ELF4: variants seen among roughly 807,000 people sequenced by gnomAD.
ELF4 encodes the protein ETS-related transcription factor Elf-4.
ELF4 carries 10 observed loss-of-function variants against 31.7 expected under a neutral mutation model. The ratio of observed to expected loss-of-function variants is 0.32; its 90% CI spans 0.19 to 0.54. The LOEUF is 0.54. Among genes scored for constraint, ELF4 ranks in the 20% least tolerant of loss-of-function variants. ELF4 has a pLI of 0.95. For missense variants in ELF4, 418 were observed against 522.0 expected, an observed-to-expected ratio of 0.80 and a Z score of 1.94; for synonymous variants, 208 against 226.7, an observed-to-expected ratio of 0.92 and a Z score of 0.74.
rs774019246 is a variant in ELF4 at position 130,080,618 on chromosome X, A to G, written c.75+638T>C. 1.4e-4 allele frequency among the ~76,000 whole-genome samples: 16 copies of G among 110,512 alleles called. No individual in the cohort carries two copies. In the South Asian group the frequency reaches 4.3e-3, roughly 29 times the overall value. Reference sequence around the variant, plus strand: ...GATGAGTCTGCCAGGACACCGTTCAATGGGTACATACATCTAAGTGCACAG... The same window carrying G: ...GATGAGTCTGCCAGGACACCGTTCAGTGGGTACATACATCTAAGTGCACAG... On this transcript the variant is annotated intron_variant, in intron 2 of 8. Coordinates refer to ENST00000308167, the MANE Select transcript of ELF4 (RefSeq NM_001421.4).
At position 130,067,178 on chromosome X, in the gene ELF4, G is replaced by A. The variant is rs370055472; in HGVS notation, c.1535C>T (p.Pro512Leu). 7.8e-4 allele frequency: 937 copies of A among 1,205,486 alleles called. 3 individuals are homozygous for A. In the South Asian group the frequency reaches 0.016, roughly 20 times the overall value. ...GACAGTCCCAGGGGGCTGAGAGCTG[G>A]GCCCTGCTGGTCCAGCCCCTGTGAC... ...PTVTGAGPAG[P>L]SSQPPGTVIA... The change falls in exon 9 of 9, where the codon CCC becomes CTC. Residue 512 changes from proline to leucine, a missense_variant. Transcript: ENST00000308167.
chrX:130,064,203 C>T lies in ELF4; in HGVS notation c.*2518G>A. The stretch of plus-strand genomic sequence containing the variant: ...CTGTAATCCCAGCACTTTGGGAGGC[C>T]AAGGTGGGTGGATCACCTGAGGCCA... On this transcript the variant is annotated 3_prime_UTR_variant, in exon 9 of 9. Coordinates refer to ENST00000308167, the MANE Select transcript of ELF4 (RefSeq NM_001421.4). Among the ~76,000 whole-genome samples the T allele has an allele frequency of 3.6e-5, 4 of 110,565 alleles. No homozygotes were observed. The East Asian group carries it at 1.1e-3, about 31-fold the overall frequency.
rs1932888415 is a variant in ELF4 at position 130,081,465 on chromosome X, G to T, written c.-135C>A. 6 of 664,031 alleles carry T rather than the reference G, an allele frequency of 9.0e-6. No homozygotes were observed. In the East Asian group the frequency reaches 1.7e-4, roughly 19 times the overall value. The allele number at this position is 664,031 out of a possible 1,213,427, so 54.7% of individuals were successfully genotyped here. A position where few individuals can be genotyped will look rare whatever the true frequency, so the allele number is the denominator to read the frequency against. On this transcript the variant is annotated 5_prime_UTR_variant, in exon 2 of 9. Coordinates refer to ENST00000308167, the MANE Select transcript of ELF4 (RefSeq NM_001421.4). Reference sequence around the variant, plus strand: ...CTGAGCTGCAGTAAAATAGGGGGTGGAGAGAGCTGGAGTAGGTGGTGGCCT... The same window carrying T: ...CTGAGCTGCAGTAAAATAGGGGGTGTAGAGAGCTGGAGTAGGTGGTGGCCT...
intron 1 of ELF4, among the ~76,000 whole-genome samples, chrX:130,108,231 G>A (rs1265264603): frequency 9.1e-6 from 1 of 109,681 alleles, no homozygotes; most frequent in African/African-American, 3.3e-5. Flanking sequence ...AGAACTGGAG[G>A]TAAGGAGTTC....
rs1217236766 is a variant in ELF4 at position 130,066,141 on chromosome X, G to A, written c.*580C>T. On this transcript the variant is annotated 3_prime_UTR_variant, in exon 9 of 9. Coordinates refer to ENST00000308167, the MANE Select transcript of ELF4 (RefSeq NM_001421.4). ...ATCAAACTTGTACCCCATAGTCTCA[G>A]AGCAACTGAATCTCGGCATGAACAA... The A allele has an allele frequency of 3.4e-5, 6 of 174,638 alleles. No homozygotes were observed. The highest frequency in any genetic ancestry group is 6.5e-5 in the Non-Finnish European group (6 of 91,840). 14.4% of individuals were successfully genotyped at this position (174,638 alleles called of 1,213,427 possible). A position where few individuals can be genotyped will look rare whatever the true frequency, so the allele number is the denominator to read the frequency against.
chrX:130,093,786 G>C (rs754788282), intron 1 of ELF4, among the ~76,000 whole-genome samples: 2 of 112,260 alleles, frequency 1.8e-5, no homozygotes, highest in Non-Finnish European at 3.8e-5. Flanking sequence ...GGTTCAAGCA[G>C]CTGTGCAAGA....
intron 2 of ELF4, among the ~76,000 whole-genome samples, chrX:130,081,043 G>T (rs1932883030): frequency 8.9e-6 from 1 of 112,861 alleles, no homozygotes; most frequent in African/African-American, 3.2e-5. Context: ...CTAAATGACT[G>T]CCCGGTGACT....
At position 130,072,385 on chromosome X, in the gene ELF4, G is replaced by C; in HGVS notation, c.373C>G (p.Pro125Ala). ...STSEMLPDSDPAPAVTLPNYL... is the reference protein window; with the variant it reads ...STSEMLPDSDAAPAVTLPNYL... ...TTGGGCAGAGTGACAGCTGGTGCAG[G>C]GTCCGAGTCTGGAAGCATTTCGGAG... is the stretch of plus-strand genomic sequence containing the variant. The change falls in exon 5 of 9, where the codon CCT (proline) becomes GCT (alanine). Residue 125 changes from proline to alanine, a missense_variant. By Grantham distance (27) the Pro-to-Ala change is conservative. Around this residue, in one of 4 missense-constraint regions of ELF4, gnomAD observed 88 missense variants for 92.4 expected, o/e 0.95. Coordinates refer to ENST00000308167, the MANE Select transcript of ELF4 (RefSeq NM_001421.4). 1 of 1,212,164 alleles carries C rather than the reference G, an allele frequency of 8.2e-7. No homozygotes were observed. The highest frequency in any genetic ancestry group is 1.1e-6 in the Non-Finnish European group (1 of 895,569).
At chrX:130,089,994 TG>T in intron 1 of ELF4, among the ~76,000 whole-genome samples, 1 of 111,514 alleles carries the variant, frequency 9.0e-6, no homozygotes, top group Non-Finnish European at 1.9e-5. Context: ...CCCAGCACTT[TG>T]GGAGGCCGAG....
Position 130,069,592 on chromosome X carries a change from C to A in ELF4, c.895G>T (p.Val299Phe), listed in dbSNP as rs1320621402. The stretch of plus-strand genomic sequence containing the variant: ...CTGCTCTCATCCTCATCTTCAATGA[C>A]CACCAGGTCCTTGGGCATCTCCTTA... ...QFKEMPKDLV[V>F]IEDEDESSEA... Residue 299 changes from valine to phenylalanine, a missense_variant, in exon 8 of 9, where the codon GTC becomes TTC. Physicochemically the swap from Val to Phe is conservative, Grantham distance 50. Transcript: ENST00000308167. 8.3e-7 allele frequency: 1 copy of A among 1,211,111 alleles called. No homozygotes were observed. Among genetic ancestry groups the A allele is most frequent in the South Asian group, 1.8e-5 (1 of 56,877 alleles).
chrX:130,074,491 G>T, intron 3 of ELF4, 90 bp downstream of exon 3: 2 of 1,147,955 alleles, frequency 1.7e-6, no homozygotes, highest in Non-Finnish European at 2.4e-6. Flanking sequence ...CATTCTGCAC[G>T]GGGTTACTAG....
chrX:130,094,950 G>A (rs1933124972), intron 1 of ELF4, among the ~76,000 whole-genome samples: 1 of 111,585 alleles, frequency 9.0e-6, no homozygotes, highest in South Asian at 3.7e-4. Flanking sequence ...GGGGTTGGCA[G>A]TGACCTGAGC....
intron 2 of ELF4, among the ~76,000 whole-genome samples, chrX:130,080,252 T>A (rs1014677010): frequency 2.7e-4 from 30 of 109,694 alleles, no homozygotes; most frequent in African/African-American, 1.0e-3. Flanking sequence ...TGAAACCCGG[T>A]CTCTACTAAT....
At chrX:130,098,454 ACACTC>A (rs1371181571) in intron 1 of ELF4, among the ~76,000 whole-genome samples, 1 of 111,459 alleles carries the variant, frequency 9.0e-6, no homozygotes, top group Admixed American at 9.5e-5. Context: ...AGCACTGTAA[ACACTC>A]TAAGCTAAAG....
At chrX:130,093,994 G>A (rs914534577) in intron 1 of ELF4, among the ~76,000 whole-genome samples, 3 of 111,922 alleles carry the variant, frequency 2.7e-5, no homozygotes, top group Non-Finnish European at 5.6e-5. Context: ...CACTTTGGGA[G>A]GACGAGGTGG....
In ELF4 at chrX:130,065,003, T is replaced by G. The variant is rs1932627995; in HGVS notation, c.*1718A>C. 1 of 170,164 alleles carries G rather than the reference T, an allele frequency of 5.9e-6. No homozygotes were observed. Among genetic ancestry groups the G allele is most frequent in the South Asian group, 3.2e-4 (1 of 3,173 alleles). 14.0% of individuals were successfully genotyped at this position (170,164 alleles called of 1,213,427 possible). ...CTGGAAACACGCATAGTAAATACAT[T>G]TGCACAACCAAACACAGTGCCCTCC... On this transcript the variant is annotated 3_prime_UTR_variant, in exon 9 of 9. Transcript: ENST00000308167.
rs112963685 is a variant in ELF4, at chrX:130,065,734, G to A, written c.*987C>T. ...GTGTCAGCAAAGGCTATTGTCTGGC[G>A]GGGGGCCGGTATCACACAAACAGCC... is the stretch of plus-strand genomic sequence containing the variant. On this transcript the variant is annotated 3_prime_UTR_variant, in exon 9 of 9. Coordinates refer to ENST00000308167, the MANE Select transcript of ELF4 (RefSeq NM_001421.4). 1.1e-5 allele frequency: 2 copies of A among 174,307 alleles called. No homozygotes were observed. The highest frequency in any genetic ancestry group is 2.2e-5 in the Non-Finnish European group (2 of 91,331). 14.4% of individuals were successfully genotyped at this position (174,307 alleles called of 1,213,427 possible). A position where few individuals can be genotyped will look rare whatever the true frequency, so the allele number is the denominator to read the frequency against.
At chrX:130,088,236 A>T (rs1932993002) in intron 1 of ELF4, among the ~76,000 whole-genome samples, 1 of 109,502 alleles carries the variant, frequency 9.1e-6, no homozygotes, top group Admixed American at 9.8e-5. Context: ...TCTCAAAAAA[A>T]TAAATAAATA....
rs757084848 is a variant in ELF4 at position 130,066,732 on chromosome X, G to C, written c.1981C>G (p.His661Asp). 8.3e-7 allele frequency: 1 copy of C among 1,210,297 alleles called. No homozygotes were observed. Among genetic ancestry groups the C allele is most frequent in the Non-Finnish European group, 1.1e-6 (1 of 895,085 alleles). The change falls in exon 9 of 9, where the codon CAT (histidine) becomes GAT (aspartate). Residue 661 changes from histidine to aspartate, a missense_variant. His to Asp is a moderately conservative substitution (Grantham distance 81, BLOSUM62 -1). Coordinates refer to ENST00000308167, the MANE Select transcript of ELF4 (RefSeq NM_001421.4). ...CCTGACCCCTTTGCTTATATGTCAT[G>C]GGGCTCCATCTTAATGAGGGAAGTA... Reference protein sequence around the residue: ...NPTSLIKMEPHDI With the variant: ...NPTSLIKMEPDDI
Sources: gnomAD v4.1 joint callset for allele counts (sites outside exome capture counted in the v4.1 genomes callset) on GRCh38, gnomAD v4.1.1 for gene constraint, gnomAD v4.1.1 regional missense constraint, MANE v1.5 for transcripts, NCBI Gene and HGNC (gene_info 2026-07-23, HGNC 2026-07-21) for gene names.